Variants in SHISA9 observed in about 807,000 individuals in gnomAD.
SHISA9 encodes protein shisa-9.
In SHISA9, 13 loss-of-function variants were observed where a neutral mutation model predicts 38.0. The ratio of observed to expected loss-of-function variants is 0.34; its 90% CI spans 0.22 to 0.54. The LOEUF (loss-of-function observed/expected upper bound fraction) is 0.54, where lower values mean the gene tolerates loss of function less well. Among genes scored for constraint, SHISA9 ranks in the 20% least tolerant of loss-of-function variants. The probability of loss-of-function intolerance (pLI) is 0.91; values close to 1 mark genes in which losing one functional copy is unlikely to be tolerated. For synonymous variants in SHISA9, 275 were observed against 242.0 expected, an observed-to-expected ratio of 1.14 and a Z score of -1.27; for missense variants, 538 against 575.8, an observed-to-expected ratio of 0.93 and a Z score of 0.67.
At chr16:13,513,213 T>C in the SHISA9 span, among the ~76,000 whole-genome samples, 3 of 152,170 alleles carry the variant, frequency 2.0e-5, no homozygotes, top group Non-Finnish European at 1.5e-5. Flanking sequence ...GAAAAGACAC[T>C]TCTCAAAAGA....
At chr16:13,355,686 C>A in the SHISA9 span, among the ~76,000 whole-genome samples, 1 of 151,264 alleles carries the variant, frequency 6.6e-6, no homozygotes, top group African/African-American at 2.4e-5. Flanking sequence ...GGGAAACAGG[C>A]CCTTGAAAAG....
At chr16:13,288,902 G>C in the SHISA9 span, among the ~76,000 whole-genome samples, 1 of 152,166 alleles carries the variant, frequency 6.6e-6, no homozygotes, top group Non-Finnish European at 1.5e-5. Flanking sequence ...CTTCCTTAAA[G>C]ACCCCATCTC....
chr16:13,260,018 T>TTTC, the SHISA9 span, among the ~76,000 whole-genome samples: 1 of 111,960 alleles, frequency 8.9e-6, no homozygotes, highest in Non-Finnish European at 1.9e-5. Context: ...TTTTTTTTTT[T>TTTC]TTTTTTTTTT....
chr16:13,019,886 T>TCCCTCCCTC (rs1567184093), intron 2 of SHISA9, among the ~76,000 whole-genome samples: 1 of 11,764 alleles, frequency 8.5e-5, no homozygotes, highest in Non-Finnish European at 1.8e-4. Flanking sequence ...CTCCCTCCCT[T>TCCCTCCCTC]CTTTCTTTCT....
At chr16:13,229,305 A>G (rs1490330354) in intron 4 of SHISA9, among the ~76,000 whole-genome samples, 2 of 152,230 alleles carry the variant, frequency 1.3e-5, no homozygotes, top group Non-Finnish European at 2.9e-5. Flanking sequence ...CAAGTGTAAA[A>G]TGACAGTCAT....
At chr16:13,442,206 G>C in the SHISA9 span, among the ~76,000 whole-genome samples, 1 of 152,162 alleles carries the variant, frequency 6.6e-6, no homozygotes, top group Admixed American at 6.6e-5. Context: ...TTTTGGTTTG[G>C]TAAAAGGATG....
At chr16:13,514,384 A>T in the SHISA9 span, among the ~76,000 whole-genome samples, 1 of 152,210 alleles carries the variant, frequency 6.6e-6, no homozygotes, top group Non-Finnish European at 1.5e-5. Context: ...AGAATAAATA[A>T]TCAATCAAAC....
rs374784322 is a variant in SHISA9, at chr16:13,011,628, TCTC to T, written c.691+94816_691+94818del. On this transcript the variant is annotated intron_variant, in intron 2 of 4. Transcript: ENST00000558583. Reference sequence around the variant, plus strand: ...GCTCTGCCTCCCGGGTTCATTCCATTCTCCTGCCTCAGCCTCCTCAGTAGCTGG... The same window carrying T: ...GCTCTGCCTCCCGGGTTCATTCCATTCTGCCTCAGCCTCCTCAGTAGCTGG... Among the ~76,000 whole-genome samples the T allele has an allele frequency of 3.4e-3, 513 of 152,172 alleles. 4 individuals carry two copies. The highest frequency in any genetic ancestry group is 0.011 in the African/African-American group (477 of 41,512).
the SHISA9 span, among the ~76,000 whole-genome samples, chr16:13,261,146 G>C: frequency 6.6e-6 from 1 of 152,052 alleles, no homozygotes; most frequent in Non-Finnish European, 1.5e-5. Context: ...ATTTGGGCGG[G>C]GACACAAACC....
the SHISA9 span, among the ~76,000 whole-genome samples, chr16:13,408,705 G>C: frequency 6.6e-6 from 1 of 152,110 alleles, no homozygotes; most frequent in Non-Finnish European, 1.5e-5. Context: ...CCTAACTTTT[G>C]CCTTCATACA....
At chr16:13,241,390 C>T (rs2051434189), downstream of SHISA9, among the ~76,000 whole-genome samples, 1 of 152,152 alleles carries the variant, frequency 6.6e-6, no homozygotes, top group Non-Finnish European at 1.5e-5. Context: ...CCTGTAATCC[C>T]AGCTACTCAG....
At chr16:12,943,795 T>C (rs1388807594) in intron 2 of SHISA9, among the ~76,000 whole-genome samples, 1 of 152,204 alleles carries the variant, frequency 6.6e-6, no homozygotes, top group African/African-American at 2.4e-5. Flanking sequence ...GGGGCTCATC[T>C]AATATAGATC....
chr16:13,162,431 A>G (rs1324230684), intron 2 of SHISA9, among the ~76,000 whole-genome samples: 1 of 152,184 alleles, frequency 6.6e-6, no homozygotes, highest in East Asian at 1.9e-4. Context: ...AAACAGTTTG[A>G]GGCGTAGGGA....
chr16:13,413,233 G>A, the SHISA9 span, among the ~76,000 whole-genome samples: 1 of 152,172 alleles, frequency 6.6e-6, no homozygotes, highest in Non-Finnish European at 1.5e-5. Context: ...AAAATTCTAT[G>A]ATCAAATATC....
At chr16:13,550,373 C>A in the SHISA9 span, among the ~76,000 whole-genome samples, 221 of 152,280 alleles carry the variant, frequency 1.5e-3, 2 homozygotes, top group East Asian at 3.9e-4. Context: ...CACCTCAAAC[C>A]TTCTATAATT....
chr16:13,109,510 C>A (rs1296262178), intron 2 of SHISA9, among the ~76,000 whole-genome samples: 1 of 152,160 alleles, frequency 6.6e-6, no homozygotes, highest in African/African-American at 2.4e-5. Flanking sequence ...TGTTTAATGA[C>A]TTAAAAACCC....
rs764542148 is a variant in SHISA9, at chr16:13,213,270, T to C, written c.865T>C (p.Trp289Arg). The change falls in exon 4 of 5, where the codon TGG (tryptophan) becomes CGG (arginine). Residue 289 changes from tryptophan to arginine, a missense_variant. Physicochemically the swap from Trp to Arg is moderately radical, Grantham distance 101. This residue lies in a region of SHISA9 where 326 missense variants were observed against 305.9 expected (regional missense o/e 1.07). Coordinates refer to ENST00000558583, the MANE Select transcript of SHISA9 (RefSeq NM_001145204.3). ...LKAVGSSDGD[W>R]AVSTLKSPKA... ...TTTTTTAGGAAGTTCTGATGGTGAC[T>C]GGGCAGTATCGACACTTAAGTCACC... 1.9e-5 allele frequency: 30 copies of C among 1,551,774 alleles called. No homozygotes were observed. Among genetic ancestry groups the C allele is most frequent in the Non-Finnish European group, 2.5e-5 (29 of 1,147,024 alleles).
chr16:13,208,181 C>G (rs1467150578), intron 3 of SHISA9, among the ~76,000 whole-genome samples: 1 of 152,060 alleles, frequency 6.6e-6, no homozygotes, highest in Non-Finnish European at 1.5e-5. Context: ...GTCCAAGTTC[C>G]ATTTTAATTT....
At chr16:13,042,212 C>A (rs769716211) in intron 2 of SHISA9, among the ~76,000 whole-genome samples, 2 of 152,188 alleles carry the variant, frequency 1.3e-5, no homozygotes, top group Non-Finnish European at 2.9e-5. Flanking sequence ...CTGGTCGCTA[C>A]CTTTACCTCA....
Sources: allele counts gnomAD v4.1 joint callset (sites outside exome capture counted in the v4.1 genomes callset), GRCh38; gene constraint gnomAD v4.1.1; regional missense constraint gnomAD v4.1.1; transcripts MANE v1.5; gene names NCBI Gene and HGNC (gene_info 2026-07-23, HGNC 2026-07-21).